The following CREB3L4 variants were observed in gnomAD, a reference collection of about 807,000 sequenced individuals.
CREB3L4 encodes cyclic AMP-responsive element-binding protein 3-like protein 4.
A neutral mutation model predicts 37.0 loss-of-function variants in CREB3L4; 28 were observed. The observed-to-expected ratio is 0.76, with a 90% CI of 0.56 to 1.04. CREB3L4 has a LOEUF of 1.04. Among genes scored for constraint, CREB3L4 ranks in the 50% least tolerant of loss-of-function variants. CREB3L4 has a pLI of 0.00. For missense variants in CREB3L4, 462 were observed against 486.0 expected (o/e 0.95, Z 0.46); for synonymous variants, 175 against 192.2 (o/e 0.91, Z 0.74).
Position 153,972,422 on chromosome 1 carries a change from C to A in CREB3L4, c.544-322C>A, listed in dbSNP as rs142869237. 2.6e-3 allele frequency among the ~76,000 whole-genome samples: 394 copies of A among 152,356 alleles called. 3 individuals carry two copies. Among genetic ancestry groups the A allele is most frequent in the African/African-American group, 9.2e-3 (383 of 41,582 alleles). Reference sequence around the variant, plus strand: ...TATGCAAACTTCACTGTAGTGAGTTCTTTCAGGTTCTCTTGGGTATGGGGA... The same window carrying A: ...TATGCAAACTTCACTGTAGTGAGTTATTTCAGGTTCTCTTGGGTATGGGGA... On this transcript the variant is annotated intron_variant, in intron 4 of 9. Transcript: ENST00000368607.
In CREB3L4 at chr1:153,973,193, AGGGT is replaced by A; in HGVS notation, c.745_748del (p.Val249GlnfsTer25). On this transcript the variant is annotated splice_acceptor_variant and coding_sequence_variant, in exon 7 of 10. Transcript: ENST00000368607. LOFTEE classifies it high-confidence loss of function. ...GCCTTGTCCTACCTCCCTACATTCT[AGGGT>A]GGCAGCCTGTTCTGCACAGAACCAA... The A allele has an allele frequency of 6.2e-7, 1 of 1,614,026 alleles. No individual in the cohort carries two copies. The highest frequency in any genetic ancestry group is 8.5e-7 in the Non-Finnish European group (1 of 1,179,986).
Position 153,968,663 on chromosome 1 carries a change from A to T in CREB3L4, c.138A>T (p.Gly46=). Reference sequence around the variant, plus strand: ...CGGTAACTAGGCTACAGGAACAGGGACTGCAAGGCTGGAAGTCCGGTGGGG... The same window carrying T: ...CGGTAACTAGGCTACAGGAACAGGGTCTGCAAGGCTGGAAGTCCGGTGGGG... ...EVPVTRLQEQ[G]LQGWKSGGDR... is the part of the protein sequence containing the mutation. The change falls in exon 2 of 10, where the codon GGA becomes GGT. Residue 46 remains glycine (G), a synonymous_variant. Transcript: ENST00000368607. 6.2e-7 allele frequency: 1 copy of T among 1,613,792 alleles called. No individual in the cohort carries two copies. Among genetic ancestry groups the T allele is most frequent in the Non-Finnish European group, 8.5e-7 (1 of 1,179,966 alleles).
chr1:153,969,215 G>T, intron 3 of CREB3L4, 39 bp downstream of exon 3: 1 of 1,613,922 alleles, frequency 6.2e-7, no homozygotes. Context: ...TGGCCCTTCG[G>T]GACTGGCCCT....
At position 153,969,158 on chromosome 1, in the gene CREB3L4, C is replaced by G. The variant is rs1472399573; in HGVS notation, c.403C>G (p.Leu135Val). The G allele has an allele frequency of 3.7e-6, 6 of 1,614,168 alleles. No homozygotes were observed. The highest frequency in any genetic ancestry group is 5.1e-6 in the Non-Finnish European group (6 of 1,180,030). ...GGGGGAAACTGGGCCAAATGTAGGC[C>G]TTATCTCCATCCAGCTAGGTCAGTG... ...MQGETGPNVG[L>V]ISIQLDQWSP... The change falls in exon 3 of 10, where the codon CTT (leucine) becomes GTT (valine). Residue 135 changes from leucine to valine, a missense_variant. Physicochemically the swap from Leu to Val is conservative, Grantham distance 32 (BLOSUM62 1). Transcript: ENST00000368607.
At chr1:153,969,756 G>A (rs893300597) in intron 4 of CREB3L4, 6 of 329,400 alleles carry the variant, frequency 1.8e-5, no homozygotes, top group South Asian at 8.8e-5. Context: ...GACTACAGGT[G>A]TGTGCCACCA....
rs559478717 is a variant in CREB3L4, at chr1:153,970,611, C to G, written c.543+1156C>G. On this transcript the variant is annotated intron_variant, in intron 4 of 9. Coordinates refer to ENST00000368607, the MANE Select transcript of CREB3L4 (RefSeq NM_001255978.2). ...GGCTGGGTAAAGAGGGGACTATGCT[C>G]AGATCACTGTTCCTCCCTTTCCTCT... Among the ~76,000 whole-genome samples, 7 of 152,246 alleles carry G rather than the reference C, an allele frequency of 4.6e-5. No individual in the cohort carries two copies. In the East Asian group the frequency reaches 1.4e-3, roughly 29 times the overall value.
At position 153,973,663 on chromosome 1, in the gene CREB3L4, G is replaced by C. The variant is rs759643420; in HGVS notation, c.941G>C (p.Ser314Thr). 1.9e-6 allele frequency: 3 copies of C among 1,611,374 alleles called. No homozygotes were observed. The South Asian group carries it at 3.3e-5, about 18-fold the overall frequency. Residue 314 changes from serine to threonine, a missense_variant, in exon 9 of 10, where the codon AGT becomes ACT. By Grantham distance (58) the Ser-to-Thr change is moderately conservative. Coordinates refer to ENST00000368607, the MANE Select transcript of CREB3L4 (RefSeq NM_001255978.2). ...SLALIILPSF[S>T]PFQSRPEAGS... ...GCTCTCATCATCCTGCCCAGCTTCA[G>C]TCCATTCCAGAGTCGACCAGAAGCT...
At chr1:153,968,793 C>G in intron 2 of CREB3L4, 94 bp downstream of exon 2, 1 of 1,551,580 alleles carries the variant, frequency 6.4e-7, no homozygotes, top group Non-Finnish European at 8.8e-7. Context: ...TGAAAACAGA[C>G]CACCCCCAAA....
chr1:153,972,951 C>T (rs1272216768), intron 5 of CREB3L4, 21 bp from the exon 6 acceptor site: 4 of 1,605,400 alleles, frequency 2.5e-6, no homozygotes, highest in African/African-American at 2.7e-5. Flanking sequence ...ACCCAGGACT[C>T]ACACATCCTG....
In CREB3L4 at chr1:153,968,577, G is replaced by A. The variant is rs771309586; in HGVS notation, c.52G>A (p.Asp18Asn). The stretch of plus-strand genomic sequence containing the variant: ...GGACGCGTGGCTGGAGCCCCCAGAG[G>A]ATATCTTCTCGACAGGATCCGTCCT... ...LLDAWLEPPEDIFSTGSVLEL... is the reference protein window; with the variant it reads ...LLDAWLEPPENIFSTGSVLEL... Residue 18 changes from aspartate to asparagine, a missense_variant, in exon 2 of 10, where the codon GAT becomes AAT. Physicochemically the swap from Asp to Asn is conservative, Grantham distance 23. Coordinates refer to ENST00000368607, the MANE Select transcript of CREB3L4 (RefSeq NM_001255978.2). The A allele has an allele frequency of 1.2e-6, 2 of 1,614,126 alleles. No homozygotes were observed. Among genetic ancestry groups the A allele is most frequent in the Admixed American group, 1.7e-5 (1 of 60,024 alleles).
At chr1:153,969,840 T>G in intron 4 of CREB3L4, 1 of 210,702 alleles carries the variant, frequency 4.7e-6, no homozygotes, top group South Asian at 7.5e-5. Flanking sequence ...GGTCTTAATC[T>G]CCTGAGTTCA....
rs1234751538 is a variant in CREB3L4, at chr1:153,973,081, A to G, written c.743+3A>G. On this transcript the variant is annotated splice_donor_region_variant and intron_variant, in intron 6 of 9. Transcript: ENST00000368607. Reference sequence around the variant, plus strand: ...TACATTGATGGGCTGGAGAGCAGGTACGCCTGGGTTATTTCTGGCTTCTTG... The same window carrying G: ...TACATTGATGGGCTGGAGAGCAGGTGCGCCTGGGTTATTTCTGGCTTCTTG... The G allele has an allele frequency of 2.5e-6, 4 of 1,614,028 alleles. No homozygotes were observed. Among genetic ancestry groups the G allele is most frequent in the Non-Finnish European group, 3.4e-6 (4 of 1,179,892 alleles).
Position 153,974,316 on chromosome 1 carries a change from A to G in CREB3L4, c.*251A>G. On this transcript the variant is annotated 3_prime_UTR_variant, in exon 10 of 10. Transcript: ENST00000368607. ...TATTTCTTCTTTGGGTATAGGGTTG[A>G]GGGGAAATAAGTTTTGAGTGAGAAA... 4.3e-6 allele frequency: 2 copies of G among 464,076 alleles called. No homozygotes were observed. The highest frequency in any genetic ancestry group is 4.5e-5 in the South Asian group (1 of 22,418). 28.7% of individuals were successfully genotyped at this position (464,076 alleles called of 1,614,324 possible).
At chr1:153,972,363 CTGAAAG>C (rs1648457729) in intron 4 of CREB3L4, among the ~76,000 whole-genome samples, 1 of 152,168 alleles carries the variant, frequency 6.6e-6, no homozygotes, top group Non-Finnish European at 1.5e-5. Context: ...AAGTTAATGA[CTGAAAG>C]TGAATCATGT....
chr1:153,974,025 G>C lies in CREB3L4; in HGVS notation c.1148G>C (p.Ser383Thr). The change falls in exon 10 of 10, where the codon AGT (serine) becomes ACT (threonine). Residue 383 changes from serine to threonine, a missense_variant. Physicochemically the swap from Ser to Thr is moderately conservative, Grantham distance 58 (BLOSUM62 1). Transcript: ENST00000368607. ...LEKMGGKPRP[S>T]GRIRSVLHAD... ...AAGATGGGAGGGAAGCCAAGACCCA[G>C]TGGGCGCATCCGGTCCGTGCTGCAT... 1 of 1,614,152 alleles carries C rather than the reference G, an allele frequency of 6.2e-7. No homozygotes were observed.
At chr1:153,970,477 C>T (rs756910955) in intron 4 of CREB3L4, among the ~76,000 whole-genome samples, 6 of 152,184 alleles carry the variant, frequency 3.9e-5, no homozygotes, top group Non-Finnish European at 7.3e-5. Flanking sequence ...GCAATAGCAG[C>T]AATGTTTCCA....
intron 4 of CREB3L4, among the ~76,000 whole-genome samples, chr1:153,971,587 C>CTTTTTTTTTTTTTTT (rs55930906): frequency 2.3e-4 from 25 of 107,506 alleles, no homozygotes; most frequent in South Asian, 6.5e-4. Flanking sequence ...TTTTCTTTTT[C>CTTTTTTTTTTTTTTT]TTTTTTTTTT....
chr1:153,969,563 C>A, intron 4 of CREB3L4, 108 bp downstream of exon 4: 3 of 1,371,706 alleles, frequency 2.2e-6, no homozygotes, highest in Non-Finnish European at 2.0e-6. Flanking sequence ...GCCTTTGCCC[C>A]GGTTTTTGTG....
chr1:153,974,066 G>A lies in CREB3L4; in HGVS notation c.*1G>A. 6.2e-7 allele frequency: 1 copy of A among 1,612,072 alleles called. No individual in the cohort carries two copies. Among genetic ancestry groups the A allele is most frequent in the African/African-American group, 1.3e-5 (1 of 75,008 alleles). On this transcript the variant is annotated 3_prime_UTR_variant, in exon 10 of 10. Coordinates refer to ENST00000368607, the MANE Select transcript of CREB3L4 (RefSeq NM_001255978.2). ...CGTGCTGCATGCAGATGAGATGTGAGCTGGAACAGACCTTCCTGGCCCACT... is the reference window on the plus strand; with the variant it reads ...CGTGCTGCATGCAGATGAGATGTGAACTGGAACAGACCTTCCTGGCCCACT...
Sources: gnomAD v4.1 joint callset for allele counts (sites outside exome capture counted in the v4.1 genomes callset) on GRCh38, gnomAD v4.1.1 for gene constraint, MANE v1.5 for transcripts, NCBI Gene and HGNC (gene_info 2026-07-23, HGNC 2026-07-21) for gene names.